The following SQLE variants were observed in gnomAD, a reference collection of about 807,000 sequenced individuals.
The protein encoded by SQLE is squalene epoxidase.
A neutral mutation model predicts 60.7 loss-of-function variants in SQLE; 29 were observed. That is an observed-to-expected ratio of 0.48 (90% CI 0.36 to 0.65). The LOEUF (loss-of-function observed/expected upper bound fraction) is 0.65, where lower values mean the gene tolerates loss of function less well. Among genes scored for constraint, SQLE ranks in the 30% least tolerant of loss-of-function variants. The pLI, the probability that SQLE is intolerant of heterozygous loss-of-function variation, is 0.00. For synonymous variants in SQLE, 237 were observed against 246.8 expected (o/e 0.96, Z 0.37); for missense variants, 605 against 684.1 (o/e 0.88, Z 1.29).
intron 7 of SQLE, among the ~76,000 whole-genome samples, chr8:125,011,881 T>TTTTTTTTTTTTTTTTTTTTTGAGACGG (rs1400167915): frequency 1.3e-5 from 2 of 150,058 alleles, no homozygotes; most frequent in African/African-American, 5.0e-5. Context: ...ATTTTCTACT[T>TTTTTTTTTTTTTTTTTTTTTGAGACGG]AGGAATGTAG....
Position 125,009,263 on chromosome 8 carries a change from G to T in SQLE, c.1028G>T (p.Arg343Leu). 6.2e-7 allele frequency: 1 copy of T among 1,613,810 alleles called. No individual in the cohort carries two copies. The highest frequency in any genetic ancestry group is 2.2e-5 in the East Asian group (1 of 44,868). Residue 343 changes from arginine (R) to leucine (L), a missense_variant, in exon 6 of 11, where the codon CGA becomes CTA. By Grantham distance (102) the Arg-to-Leu change is moderately radical. Coordinates refer to ENST00000265896, the MANE Select transcript of SQLE (RefSeq NM_003129.4). ...TACCAGATTTCATCCAGTGAAACTC[G>T]AGTACTTGTTGACATTAGAGGAGAA... The part of the protein sequence containing the change: ...LIYQISSSET[R>L]VLVDIRGEMP...
chr8:125,004,535 G>A (rs1234330278), intron 2 of SQLE, among the ~76,000 whole-genome samples: 1 of 145,688 alleles, frequency 6.9e-6, no homozygotes, highest in East Asian at 1.9e-4. Context: ...CAGTGATTTT[G>A]ATGGTGTCCT....
At chr8:125,013,741 G>A (rs1277259521) in intron 7 of SQLE, among the ~76,000 whole-genome samples, 2 of 152,132 alleles carry the variant, frequency 1.3e-5, no homozygotes, top group Non-Finnish European at 2.9e-5. Flanking sequence ...TTTTGTGTCT[G>A]TTGAGAGGAA....
At chr8:125,017,052 T>C (rs900649362) in intron 7 of SQLE, among the ~76,000 whole-genome samples, 1 of 152,090 alleles carries the variant, frequency 6.6e-6, no homozygotes. Context: ...ATGACTGGCG[T>C]GTGCTGAGTC....
rs1815117846 is a variant in SQLE at position 125,016,807 on chromosome 8, TAGC to T, written c.1205-1248_1205-1246del. ...GTGTTGTGATCTAAGTCTTTGGTCA[TAGC>T]AGCCGTATCTGTATTAAGGGGCACC... is the stretch of plus-strand genomic sequence containing the variant. On this transcript the variant is annotated intron_variant, in intron 7 of 10. Coordinates refer to ENST00000265896, the MANE Select transcript of SQLE (RefSeq NM_003129.4). This position sits in a 1 kb window ranked among gnomAD's most constrained non-coding sequence, Gnocchi z 4.1. Among the ~76,000 whole-genome samples, 3 of 152,222 alleles carry T rather than the reference TAGC, an allele frequency of 2.0e-5. No homozygotes were observed. Among genetic ancestry groups the T allele is most frequent in the South Asian group, 2.1e-4 (1 of 4,828 alleles).
chr8:125,018,334 A>T, intron 8 of SQLE, 133 bp downstream of exon 8: 1 of 928,440 alleles, frequency 1.1e-6, no homozygotes, highest in Non-Finnish European at 1.6e-6. Flanking sequence ...CATCTTGCTT[A>T]GGCTTAAAGA....
chr8:125,004,613 A>C (rs184909696), intron 2 of SQLE, among the ~76,000 whole-genome samples: 3 of 151,632 alleles, frequency 2.0e-5, no homozygotes, highest in African/African-American at 7.3e-5. Context: ...CACTGTTTCT[A>C]TATTGCTTTA....
At chr8:125,010,121 A>G (rs530156686) in intron 6 of SQLE, among the ~76,000 whole-genome samples, 8 of 152,322 alleles carry the variant, frequency 5.3e-5, no homozygotes, top group Middle Eastern at 3.4e-3. Flanking sequence ...TCCTCCAAGT[A>G]TAAACTATTA....
rs186515366 is a variant in SQLE at position 125,006,307 on chromosome 8, G to A, written c.725+602G>A. On this transcript the variant is annotated intron_variant, in intron 3 of 10. Coordinates refer to ENST00000265896, the MANE Select transcript of SQLE (RefSeq NM_003129.4). ...AAAAGACTTGATATCCATGGAAGAA[G>A]AGTATGTTCACTGTATGAAAATGGA... Among the ~76,000 whole-genome samples, 7 of 152,304 alleles carry A rather than the reference G, an allele frequency of 4.6e-5. No individual in the cohort carries two copies. In the East Asian group the frequency reaches 1.4e-3, roughly 29 times the overall value.
chr8:125,008,913 G>C (rs1814998629), intron 4 of SQLE, 58 bp from the exon 5 acceptor site: 2 of 1,246,352 alleles, frequency 1.6e-6, no homozygotes, highest in Admixed American at 3.1e-5. Context: ...TTTAAGAATG[G>C]CTTTTTTTAC....
rs2129904996 is a variant in SQLE at position 125,016,138 on chromosome 8, T to C, written c.1205-1921T>C. ...TCTGTAGCTTTCTTGTGCTTGAATA[T>C]TGATATCTTTCTCTAGATTTGGGAA... On this transcript the variant is annotated intron_variant, in intron 7 of 10. Coordinates refer to ENST00000265896, the MANE Select transcript of SQLE (RefSeq NM_003129.4). The surrounding 1 kb of genome is among the most constrained non-coding windows in gnomAD (Gnocchi z 4.1). 6.6e-6 allele frequency among the ~76,000 whole-genome samples: 1 copy of C among 152,280 alleles called. No homozygotes were observed. The highest frequency in any genetic ancestry group is 2.1e-4 in the South Asian group (1 of 4,818).
intron 6 of SQLE, among the ~76,000 whole-genome samples, chr8:125,010,618 T>TCAACATGTACATGGAAACATTTC (rs1022869385): frequency 1.3e-5 from 2 of 152,196 alleles, no homozygotes; most frequent in Non-Finnish European, 2.9e-5. Flanking sequence ...AATGACATTT[T>TCAACATGTACATGGAAACATTTC]CAACATGTAC....
Position 125,009,221 on chromosome 8 carries a change from C to T in SQLE, c.986C>T (p.Pro329Leu), listed in dbSNP as rs746940840. ...CATGCTGAACTTATTTTAGCTAACC[C>T]GAGTCCAGTTCTCATCTACCAGATT... ...ANHAELILANPSPVLIYQISS... is the reference protein window; with the variant it reads ...ANHAELILANLSPVLIYQISS... Residue 329 changes from proline to leucine, a missense_variant, in exon 6 of 11, where the codon CCG becomes CTG. Coordinates refer to ENST00000265896, the MANE Select transcript of SQLE (RefSeq NM_003129.4). The T allele has an allele frequency of 3.5e-5, 57 of 1,613,600 alleles. No homozygotes were observed. Among genetic ancestry groups the T allele is most frequent in the Admixed American group, 1.5e-4 (9 of 59,976 alleles).
At chr8:125,005,813 C>T (rs1024756446) in intron 3 of SQLE, 108 bp downstream of exon 3, 1 of 865,926 alleles carries the variant, frequency 1.2e-6, no homozygotes, top group Non-Finnish European at 1.6e-6. Context: ...GGGGCATAGT[C>T]TAGAACATAT....
In SQLE at chr8:125,004,613, A is replaced by G. The variant is rs184909696; in HGVS notation, c.545-912A>G. ...TTTTTCTGATTTGTTCACTGTTTCTATATTGCTTTATATGAATCATCCATA... is the reference window on the plus strand; with the variant it reads ...TTTTTCTGATTTGTTCACTGTTTCTGTATTGCTTTATATGAATCATCCATA... On this transcript the variant is annotated intron_variant, in intron 2 of 10. Transcript: ENST00000265896. Among the ~76,000 whole-genome samples, 678 of 151,750 alleles carry G rather than the reference A, an allele frequency of 4.5e-3. 3 individuals are homozygous for G. The highest frequency in any genetic ancestry group is 7.9e-3 in the Non-Finnish European group (533 of 67,898).
intron 7 of SQLE, among the ~76,000 whole-genome samples, chr8:125,013,709 C>T (rs1815072795): frequency 6.6e-6 from 1 of 152,028 alleles, no homozygotes; most frequent in Non-Finnish European, 1.5e-5. Context: ...AAATTTAGCT[C>T]TTTGATCCAT....
At chr8:125,015,927 TC>T (rs1815105802) in intron 7 of SQLE, among the ~76,000 whole-genome samples, 2 of 152,136 alleles carry the variant, frequency 1.3e-5, no homozygotes, top group African/African-American at 4.8e-5. Flanking sequence ...CTTGCCCCTC[TC>T]TCCTGGCCTG....
Position 125,005,673 on chromosome 8 carries a change from G to T in SQLE, c.693G>T (p.Met231Ile). The change falls in exon 3 of 11, where the codon ATG (methionine) becomes ATT (isoleucine). Residue 231 changes from methionine to isoleucine, a missense_variant. Transcript: ENST00000265896. ...CTTTCCATCACGGAAGATTCATCAT[G>T]AGTCTCCGGAAAGCAGCTATGGCAG... ...GRAFHHGRFI[M>I]SLRKAAMAEP... 6.2e-7 allele frequency: 1 copy of T among 1,603,780 alleles called. No individual in the cohort carries two copies. The highest frequency in any genetic ancestry group is 8.5e-7 in the Non-Finnish European group (1 of 1,173,068).
At chr8:125,007,290 C>T in intron 3 of SQLE, 101 bp from the exon 4 acceptor site, 1 of 749,632 alleles carries the variant, frequency 1.3e-6, no homozygotes, top group Non-Finnish European at 2.0e-6. Flanking sequence ...CACACACATG[C>T]ATGTCCAGTT....
Sources: allele counts gnomAD v4.1 joint callset (sites outside exome capture counted in the v4.1 genomes callset), GRCh38; gene constraint gnomAD v4.1.1; non-coding constraint Gnocchi (gnomAD v3.1); transcripts MANE v1.5; gene names NCBI Gene and HGNC (gene_info 2026-07-23, HGNC 2026-07-21).